LINGO2: variants seen among roughly 807,000 people sequenced by gnomAD.
The protein encoded by LINGO2 is leucine-rich repeat and immunoglobulin-like domain-containing nogo receptor-interacting protein 2.
LINGO2 carries 14 observed loss-of-function variants against 30.6 expected under a neutral mutation model. That is an observed-to-expected ratio of 0.46 (90% CI 0.30 to 0.72). The LOEUF is 0.72. LINGO2 is among the 30% of genes least tolerant of loss of function. The pLI is 0.07. For missense variants in LINGO2, 729 were observed against 751.7 expected (o/e 0.97, Z 0.35); for synonymous variants, 317 against 288.5 (o/e 1.10, Z -1.00).
chr9:28,366,629 G>C (rs559900299), intron 3 of LINGO2, among the ~76,000 whole-genome samples: 22 of 151,784 alleles, frequency 1.4e-4, no homozygotes, highest in Middle Eastern at 6.8e-3. Flanking sequence ...TAGCTTCCTT[G>C]TGAGGAAAAG....
At chr9:29,000,516 A>G in the LINGO2 span, among the ~76,000 whole-genome samples, 24 of 152,052 alleles carry the variant, frequency 1.6e-4, 1 homozygote, top group East Asian at 3.5e-3. Context: ...TATCCCTACT[A>G]AAAACAAACT....
chr9:28,214,687 A>G (rs1166348463), intron 4 of LINGO2, among the ~76,000 whole-genome samples: 1 of 151,614 alleles, frequency 6.6e-6, no homozygotes, highest in Non-Finnish European at 1.5e-5. Context: ...TAGCTATTTT[A>G]TATATGAAGG....
At chr9:28,593,127 C>G (rs909632734) in intron 1 of LINGO2, among the ~76,000 whole-genome samples, 3 of 151,962 alleles carry the variant, frequency 2.0e-5, no homozygotes, top group Non-Finnish European at 2.9e-5. Flanking sequence ...AAGAATTCAA[C>G]AAATCAAGAA....
At chr9:28,674,260 C>T (rs572229886), upstream of LINGO2, among the ~76,000 whole-genome samples, 7 of 125,630 alleles carry the variant, frequency 5.6e-5, no homozygotes, top group African/African-American at 2.5e-4. Context: ...ACTTCTTATA[C>T]AATAATGTAA....
At chr9:29,069,984 A>C in the LINGO2 span, among the ~76,000 whole-genome samples, 1 of 152,150 alleles carries the variant, frequency 6.6e-6, no homozygotes, top group Non-Finnish European at 1.5e-5. Flanking sequence ...AGATTAAAAC[A>C]CAAAAATAAA....
At chr9:29,192,397 AT>A in the LINGO2 span, among the ~76,000 whole-genome samples, 1 of 152,172 alleles carries the variant, frequency 6.6e-6, no homozygotes, top group Non-Finnish European at 1.5e-5. Flanking sequence ...TCAACACTAC[AT>A]TTATATTCTT....
intron 1 of LINGO2, among the ~76,000 whole-genome samples, chr9:28,619,026 T>C (rs1826270942): frequency 6.6e-6 from 1 of 152,210 alleles, no homozygotes; most frequent in Non-Finnish European, 1.5e-5. Flanking sequence ...CTTGTGTTTT[T>C]GTTAAAACAG....
At chr9:28,104,198 G>C (rs1826501718) in intron 4 of LINGO2, among the ~76,000 whole-genome samples, 1 of 148,546 alleles carries the variant, frequency 6.7e-6, no homozygotes, top group Non-Finnish European at 1.5e-5. Flanking sequence ...AAGAAGAAAA[G>C]CTGCCTTAAC....
the LINGO2 span, among the ~76,000 whole-genome samples, chr9:29,029,489 G>T: frequency 6.6e-6 from 1 of 151,970 alleles, no homozygotes; most frequent in Non-Finnish European, 1.5e-5. Flanking sequence ...ATAATCTCTG[G>T]CCCTACAATT....
intron 1 of LINGO2, among the ~76,000 whole-genome samples, chr9:28,592,732 G>A (rs1470538268): frequency 6.6e-6 from 1 of 151,962 alleles, no homozygotes; most frequent in Non-Finnish European, 1.5e-5. Context: ...GAAAGGATAT[G>A]GGGAAAACAC....
At chr9:28,180,293 A>G (rs1408472335) in intron 4 of LINGO2, among the ~76,000 whole-genome samples, 1 of 152,168 alleles carries the variant, frequency 6.6e-6, no homozygotes, top group African/African-American at 2.4e-5. Flanking sequence ...GAAGGTCCCC[A>G]GTAAACTCAG....
intron 5 of LINGO2, among the ~76,000 whole-genome samples, chr9:28,000,701 T>A (rs1411360894): frequency 6.6e-6 from 1 of 152,170 alleles, no homozygotes; most frequent in Non-Finnish European, 1.5e-5. Flanking sequence ...GATTTCATAG[T>A]TTTTAAAAGT....
At chr9:28,025,910 A>G (rs932346072) in intron 4 of LINGO2, among the ~76,000 whole-genome samples, 5 of 151,696 alleles carry the variant, frequency 3.3e-5, no homozygotes, top group Admixed American at 1.3e-4. Context: ...TAAAAATGCA[A>G]ATCTCATCAA....
At position 27,994,202 on chromosome 9, in the gene LINGO2, A is replaced by G. The variant is rs547328287; in HGVS notation, c.-36+18153T>C. Among the ~76,000 whole-genome samples, 14 of 152,220 alleles carry G rather than the reference A, an allele frequency of 9.2e-5. 1 individual carries two copies. The South Asian group carries it at 2.9e-3, about 32-fold the overall frequency. ...AAATGACCACATCAAAAAAGTAAAA[A>G]GACTTCAGATAAACATCCCAAAAAT... is the stretch of plus-strand genomic sequence containing the variant. On this transcript the variant is annotated intron_variant, in intron 5 of 5. Coordinates refer to ENST00000379992, the Ensembl canonical transcript of LINGO2.
the LINGO2 span, among the ~76,000 whole-genome samples, chr9:28,873,508 T>C: frequency 2.0e-5 from 3 of 152,250 alleles, no homozygotes; most frequent in Middle Eastern, 3.4e-3. Flanking sequence ...ACCCAAAATT[T>C]AGAAGGCAGG....
intron 1 of LINGO2, among the ~76,000 whole-genome samples, chr9:28,483,592 G>T (rs913251614): frequency 6.6e-6 from 1 of 151,876 alleles, no homozygotes. Context: ...ATGGTAGCTT[G>T]AGTCACATTC....
At chr9:29,158,800 A>G in the LINGO2 span, among the ~76,000 whole-genome samples, 1 of 152,078 alleles carries the variant, frequency 6.6e-6, no homozygotes, top group Non-Finnish European at 1.5e-5. Flanking sequence ...AAGAGAGAGC[A>G]AGAGAGAGAA....
Position 28,289,611 on chromosome 9 carries a change from C to T in LINGO2, c.-87+5597G>A, listed in dbSNP as rs193024228. 1.2e-3 allele frequency among the ~76,000 whole-genome samples: 189 copies of T among 152,208 alleles called. 1 individual carries two copies. In the Middle Eastern group the frequency reaches 0.034, roughly 27 times the overall value. On this transcript the variant is annotated intron_variant, in intron 4 of 5. Coordinates refer to ENST00000379992, the Ensembl canonical transcript of LINGO2. ...ATTGCATTATCTTATCATTATTTAC[C>T]TTCAAAACAGACTTAATTTTATCTC...
chr9:28,022,817 A>T (rs1016174024), intron 4 of LINGO2, among the ~76,000 whole-genome samples: 13 of 151,810 alleles, frequency 8.6e-5, no homozygotes, highest in African/African-American at 2.9e-4. Context: ...AATTATGTTT[A>T]TGATATACCT....
Sources: allele counts gnomAD v4.1 joint callset (sites outside exome capture counted in the v4.1 genomes callset), GRCh38; gene constraint gnomAD v4.1.1; transcripts MANE v1.5; gene names NCBI Gene and HGNC (gene_info 2026-07-23, HGNC 2026-07-21).